SELENBP1: variants seen among roughly 807,000 people sequenced by gnomAD.
The protein encoded by SELENBP1 is methanethiol oxidase.
In SELENBP1, 71 loss-of-function variants were observed where a neutral mutation model predicts 61.0. That is an observed-to-expected ratio of 1.16 (90% CI 0.96 to 1.42). The LOEUF is 1.42. Ranked by LOEUF, SELENBP1 falls within the 40% of genes most tolerant of loss-of-function variation. SELENBP1 has a pLI of 0.00. For missense variants in SELENBP1, 561 were observed against 605.0 expected (o/e 0.93, Z 0.76); for synonymous variants, 270 against 238.9 (o/e 1.13, Z -1.20).
In SELENBP1 at chr1:151,366,919, AAGC is replaced by A; in HGVS notation, c.482-18_482-16del. The A allele has an allele frequency of 4.3e-6, 7 of 1,611,912 alleles. No homozygotes were observed. The highest frequency in any genetic ancestry group is 5.9e-6 in the Non-Finnish European group (7 of 1,178,540). The stretch of plus-strand genomic sequence containing the variant: ...CACAAAACCCCCTGAACAGGGAAGG[AAGC>A]AGGGTGGCAGGTAGAAGCAGTAGAG... On this transcript the variant is annotated splice_polypyrimidine_tract_variant and intron_variant, in intron 5 of 11. Transcript: ENST00000368868.
chr1:151,370,182 T>G, intron 1 of SELENBP1: 1 of 454,838 alleles, frequency 2.2e-6, no homozygotes. Flanking sequence ...ATGGTAAGAA[T>G]TTCACAGTGG....
chr1:151,367,052 CA>C, intron 5 of SELENBP1, 148 bp from the exon 6 acceptor site: 1 of 1,447,840 alleles, frequency 6.9e-7, no homozygotes, highest in Non-Finnish European at 9.1e-7. Context: ...TAAATTCAGG[CA>C]TCCAGGGCTG....
intron 5 of SELENBP1, 80 bp from the exon 6 acceptor site, chr1:151,366,984 T>A (rs1182485204): frequency 6.5e-7 from 1 of 1,549,804 alleles, no homozygotes; most frequent in African/African-American, 1.4e-5. Flanking sequence ...CCCCGAGGCA[T>A]GTCTAAGAGG....
chr1:151,365,596 G>A lies in SELENBP1; in HGVS notation c.1011C>T (p.Ile337=), dbSNP rs775850669. 3.7e-6 allele frequency: 6 copies of A among 1,614,158 alleles called. No homozygotes were observed. The highest frequency in any genetic ancestry group is 5.1e-6 in the Non-Finnish European group (6 of 1,180,028). ...TGAGGCGGGGTCTCTGTGGGTCAGA[G>A]ATGTCATACTGCCTCAGGTCCCCAT... is the stretch of plus-strand genomic sequence containing the variant. ...WLHGDLRQYD[I]SDPQRPRLTG... The change falls in exon 9 of 12, where the codon ATC becomes ATT. Residue 337 remains isoleucine, a synonymous_variant. Transcript: ENST00000368868.
rs752091592 is a variant in SELENBP1 at position 151,365,251 on chromosome 1, C to G, written c.1075G>C (p.Gly359Arg). 9.3e-6 allele frequency: 15 copies of G among 1,613,384 alleles called. No homozygotes were observed. In the South Asian group the frequency reaches 1.6e-4, roughly 18 times the overall value. The change falls in exon 10 of 12, where the codon GGC becomes CGC. Residue 359 changes from glycine (G) to arginine (R), a missense_variant. Transcript: ENST00000368868. ...TCGTCCTCCAGCACTTGCACAGGGC[C>G]TCCCTTAACAATGCTGCCTCCGAGG... ...LFLGGSIVKG[G>R]PVQVLEDEEL...
chr1:151,365,283 T>C lies in SELENBP1; in HGVS notation c.1045-2A>G. On this transcript the variant is annotated splice_acceptor_variant, in intron 9 of 11. Transcript: ENST00000368868. LOFTEE classifies it high-confidence loss of function. Reference sequence around the variant, plus strand: ...AACAATGCTGCCTCCGAGGAAGAGCTAGATGGGGAGGTGCAGAGTATAAGG... The same window carrying C: ...AACAATGCTGCCTCCGAGGAAGAGCCAGATGGGGAGGTGCAGAGTATAAGG... The C allele has an allele frequency of 6.2e-7, 1 of 1,611,642 alleles. No homozygotes were observed. The highest frequency in any genetic ancestry group is 8.5e-7 in the Non-Finnish European group (1 of 1,178,814).
At position 151,368,208 on chromosome 1, in the gene SELENBP1, T is replaced by C. The variant is rs1225827716; in HGVS notation, c.472A>G (p.Asn158Asp). Residue 158 changes from asparagine to aspartate, a missense_variant, in exon 5 of 12, where the codon AAT (asparagine) becomes GAT (aspartate). Coordinates refer to ENST00000368868, the MANE Select transcript of SELENBP1 (RefSeq NM_003944.4). The stretch of plus-strand genomic sequence containing the variant: ...CAGTGCTGGCAGGTACCTTTGCCAT[T>C]GCCCTTGACGTCTCCCAGGGAGCTG... ...MISSLGDVKG[N>D]GKGGFVLLDG... The C allele has an allele frequency of 2.5e-6, 4 of 1,613,978 alleles. No homozygotes were observed. The highest frequency in any genetic ancestry group is 3.3e-5 in the Admixed American group (2 of 60,010).
intron 1 of SELENBP1, among the ~76,000 whole-genome samples, chr1:151,371,758 A>G (rs1405683776): frequency 1.3e-5 from 2 of 152,200 alleles, no homozygotes; most frequent in Non-Finnish European, 2.9e-5. Flanking sequence ...CCCGCTCTGC[A>G]GCCTCGGCCC....
intron 4 of SELENBP1, among the ~76,000 whole-genome samples, chr1:151,368,696 A>G (rs770174564): frequency 2.0e-4 from 30 of 152,208 alleles, no homozygotes; most frequent in Non-Finnish European, 3.2e-4. Flanking sequence ...GTGTTGGGAG[A>G]GACCGGAATT....
chr1:151,368,390 C>T (rs1651968952), intron 4 of SELENBP1, 71 bp from the exon 5 acceptor site: 1 of 1,573,498 alleles, frequency 6.4e-7, no homozygotes, highest in Admixed American at 1.7e-5. Flanking sequence ...TCCATACTTC[C>T]CCTACTTCTA....
chr1:151,369,872 C>A (rs1369449955), intron 1 of SELENBP1, 103 bp from the exon 2 acceptor site: 18 of 1,550,928 alleles, frequency 1.2e-5, no homozygotes, highest in Non-Finnish European at 1.4e-5. Flanking sequence ...GGCAGTGCGG[C>A]TGGCCTAGGT....
chr1:151,365,215 A>T lies in SELENBP1; in HGVS notation c.1111T>A (p.Ser371Thr), dbSNP rs776010271. 3 of 1,613,688 alleles carry T rather than the reference A, an allele frequency of 1.9e-6. No individual in the cohort carries two copies. The highest frequency in any genetic ancestry group is 2.7e-5 in the African/African-American group (2 of 74,874). Residue 371 changes from serine (S) to threonine (T), a missense_variant, in exon 10 of 12, where the codon TCC becomes ACC. Ser to Thr is a moderately conservative substitution (Grantham distance 58). Transcript: ENST00000368868. ...TTGACCACTAGGGGCTCTGGCTGGG[A>T]CTTTAGTTCCTCGTCCTCCAGCACT... ...VQVLEDEELK[S>T]QPEPLVVKGK...
At chr1:151,367,973 G>A (rs1254187680) in intron 5 of SELENBP1, among the ~76,000 whole-genome samples, 2 of 152,196 alleles carry the variant, frequency 1.3e-5, no homozygotes, top group South Asian at 2.1e-4. Flanking sequence ...GGCCTGTTTT[G>A]ACTATAACTT....
chr1:151,366,093 G>T, intron 7 of SELENBP1, 182 bp downstream of exon 7: 1 of 807,244 alleles, frequency 1.2e-6, no homozygotes, highest in Non-Finnish European at 2.0e-6. Context: ...TTGAATGAAT[G>T]GATAAATACG....
chr1:151,365,048 G>A lies in SELENBP1; in HGVS notation c.1138-4C>T. On this transcript the variant is annotated splice_polypyrimidine_tract_variant and splice_region_variant and intron_variant, in intron 10 of 11. Coordinates refer to ENST00000368868, the MANE Select transcript of SELENBP1 (RefSeq NM_003944.4). ...GGCCTCCAGCCACCCGTTTTCCCTT[G>A]GGAAAACCAGGGGTCAGAGCCCAGG... 2 of 1,603,858 alleles carry A rather than the reference G, an allele frequency of 1.2e-6. No individual in the cohort carries two copies. Among genetic ancestry groups the A allele is most frequent in the Non-Finnish European group, 8.5e-7 (1 of 1,175,426 alleles).
At chr1:151,365,378 C>T in intron 9 of SELENBP1, 97 bp from the exon 10 acceptor site, 1 of 1,469,610 alleles carries the variant, frequency 6.8e-7, no homozygotes, top group Non-Finnish European at 9.4e-7. Flanking sequence ...TCTCTCCTTT[C>T]AGACATGCTC....
At chr1:151,370,880 T>C (rs956428759) in intron 1 of SELENBP1, among the ~76,000 whole-genome samples, 3 of 152,134 alleles carry the variant, frequency 2.0e-5, no homozygotes, top group African/African-American at 7.2e-5. Flanking sequence ...GGCCTGGGAC[T>C]CCCACTCGCA....
At position 151,369,046 on chromosome 1, in the gene SELENBP1, C is replaced by T. The variant is rs951663418; in HGVS notation, c.318G>A (p.Val106=). Residue 106 remains valine (V), a synonymous_variant, in exon 4 of 12, where the codon GTG becomes GTA. Coordinates refer to ENST00000368868, the MANE Select transcript of SELENBP1 (RefSeq NM_003944.4). The stretch of plus-strand genomic sequence containing the variant: ...CCCGGGGCTCAGAGCCCACGTCCAC[C>T]ACATAGATGCGAGAGGAGATGAGAC... ...LPSLISSRIY[V]VDVGSEPRAP... 1 of 1,613,556 alleles carries T rather than the reference C, an allele frequency of 6.2e-7. No homozygotes were observed. The highest frequency in any genetic ancestry group is 1.3e-5 in the African/African-American group (1 of 74,916).
chr1:151,372,454 G>A (rs1355419145), intron 1 of SELENBP1, among the ~76,000 whole-genome samples, 184 bp downstream of exon 1: 3 of 151,970 alleles, frequency 2.0e-5, no homozygotes, highest in Non-Finnish European at 2.9e-5. Flanking sequence ...CAGAAAGTTT[G>A]GCTGAGCTGG....
Sources: gnomAD v4.1 joint callset for allele counts (sites outside exome capture counted in the v4.1 genomes callset) on GRCh38, gnomAD v4.1.1 for gene constraint, MANE v1.5 for transcripts, NCBI Gene and HGNC (gene_info 2026-07-23, HGNC 2026-07-21) for gene names.